The following RARB variants were observed in gnomAD, a reference collection of about 807,000 sequenced individuals.
The protein encoded by RARB is retinoic acid receptor beta, also known as HBV-activated protein.
A neutral mutation model predicts 51.9 loss-of-function variants in RARB; 17 were observed. The ratio of observed to expected loss-of-function variants is 0.33; its 90% CI spans 0.22 to 0.49. RARB has a LOEUF of 0.49. Among genes scored for constraint, RARB ranks in the 20% least tolerant of loss-of-function variants. The pLI, the probability that RARB is intolerant of heterozygous loss-of-function variation, is 0.99. For synonymous variants in RARB, 215 were observed against 195.4 expected (o/e 1.10, Z -0.84); for missense variants, 369 against 550.8 (o/e 0.67, Z 3.30).
At chr3:25,180,253 T>G (rs1242047152) in intron 5 of RARB, among the ~76,000 whole-genome samples, 1 of 152,176 alleles carries the variant, frequency 6.6e-6, no homozygotes, top group Non-Finnish European at 1.5e-5. Flanking sequence ...GGAGAAAAGA[T>G]GGAGTAATGG....
At chr3:25,434,529 C>CTT (rs140015265) in intron 1 of RARB, among the ~76,000 whole-genome samples, 5 of 123,034 alleles carry the variant, frequency 4.1e-5, no homozygotes, top group Admixed American at 9.0e-5. Flanking sequence ...CTTGGTACTC[C>CTT]TTTTTTTTTT....
At chr3:25,174,621 T>G in intron 5 of RARB, 1 of 1,335,362 alleles carries the variant, frequency 7.5e-7, no homozygotes, top group South Asian at 1.1e-5. Flanking sequence ...GTTGATTGGA[T>G]GAAGGGACCT....
intron 2 of RARB, among the ~76,000 whole-genome samples, chr3:24,942,645 C>G (rs931300318): frequency 2.0e-5 from 3 of 152,162 alleles, no homozygotes; most frequent in Admixed American, 1.3e-4. Flanking sequence ...TCTTTGTAGT[C>G]AAGTTCATTT....
At chr3:25,455,704 G>T (rs1694873958) in intron 1 of RARB, among the ~76,000 whole-genome samples, 1 of 152,186 alleles carries the variant, frequency 6.6e-6, no homozygotes, top group Non-Finnish European at 1.5e-5. Flanking sequence ...GGGACCCACA[G>T]AGCCAAGCAT....
intron 1 of RARB, among the ~76,000 whole-genome samples, chr3:24,857,226 T>A: frequency 6.6e-6 from 1 of 152,204 alleles, no homozygotes; most frequent in East Asian, 1.9e-4. Context: ...CATTTATACT[T>A]CACACCTCTC....
chr3:25,000,462 T>C (rs1402267808), intron 2 of RARB, among the ~76,000 whole-genome samples: 1 of 152,144 alleles, frequency 6.6e-6, no homozygotes, highest in African/African-American at 2.4e-5. Flanking sequence ...TGCATTTTCT[T>C]TTATCTTATT....
intron 3 of RARB, among the ~76,000 whole-genome samples, chr3:25,519,645 C>T (rs575196624): frequency 6.6e-6 from 1 of 152,082 alleles, no homozygotes; most frequent in South Asian, 2.1e-4. Context: ...CCCAAAATGT[C>T]AAAAGTTATT....
intron 2 of RARB, among the ~76,000 whole-genome samples, chr3:24,975,309 TG>T (rs1362719415): frequency 2.6e-5 from 4 of 152,162 alleles, no homozygotes; most frequent in African/African-American, 9.6e-5. Context: ...TTAACACTAC[TG>T]TTTTTTTGGT....
At chr3:25,259,027 G>C in intron 5 of RARB, 1 of 985,274 alleles carries the variant, frequency 1.0e-6, no homozygotes, top group Non-Finnish European at 1.2e-6. Flanking sequence ...GACTGCTTCT[G>C]ATATTAGTAG....
intron 2 of RARB, among the ~76,000 whole-genome samples, chr3:24,895,432 G>A (rs765776606): frequency 6.6e-6 from 1 of 152,194 alleles, no homozygotes; most frequent in Non-Finnish European, 1.5e-5. Context: ...GCTTCAGAAG[G>A]ACTGGGATGA....
chr3:25,164,270 A>T (rs1352496097), intron 4 of RARB, among the ~76,000 whole-genome samples: 2 of 152,226 alleles, frequency 1.3e-5, no homozygotes, highest in African/African-American at 4.8e-5. Flanking sequence ...TATCACCCAT[A>T]GCCCACTGGA....
intron 1 of RARB, among the ~76,000 whole-genome samples, chr3:24,836,686 T>C (rs1260642531): frequency 2.0e-5 from 3 of 152,026 alleles, no homozygotes; most frequent in African/African-American, 7.2e-5. Flanking sequence ...AATAAATGAA[T>C]GAGTAAATGA....
At chr3:24,923,069 A>G (rs955433644) in intron 2 of RARB, among the ~76,000 whole-genome samples, 1 of 152,150 alleles carries the variant, frequency 6.6e-6, no homozygotes, top group African/African-American at 2.4e-5. Flanking sequence ...AAGACACACA[A>G]ACAATAGAAA....
intron 5 of RARB, among the ~76,000 whole-genome samples, chr3:25,241,963 T>A (rs1165095975): frequency 6.6e-6 from 1 of 152,196 alleles, no homozygotes; most frequent in East Asian, 1.9e-4. Flanking sequence ...CCACATCCTC[T>A]CCAGCATCTG....
chr3:25,328,978 G>T (rs1018472008), intron 5 of RARB, among the ~76,000 whole-genome samples: 3 of 152,154 alleles, frequency 2.0e-5, no homozygotes, highest in Non-Finnish European at 2.9e-5. Context: ...GCTAGGGGAG[G>T]GGCGTCCACC....
intron 3 of RARB, among the ~76,000 whole-genome samples, chr3:25,562,410 C>G (rs371614228): frequency 6.6e-6 from 1 of 152,064 alleles, no homozygotes; most frequent in African/African-American, 2.4e-5. Flanking sequence ...AGCTCTTATT[C>G]ATATTGGGTA....
chr3:24,832,806 T>C, intron 1 of RARB, among the ~76,000 whole-genome samples: 1 of 151,954 alleles, frequency 6.6e-6, no homozygotes, highest in Non-Finnish European at 1.5e-5. Flanking sequence ...TACGAGAACC[T>C]GATCCAGTTA....
At chr3:24,980,584 A>G (rs1696637631) in intron 2 of RARB, among the ~76,000 whole-genome samples, 1 of 152,096 alleles carries the variant, frequency 6.6e-6, no homozygotes, top group Non-Finnish European at 1.5e-5. Context: ...TATGCTTCAC[A>G]CAGTTCTCAT....
At chr3:24,888,908 C>G (rs954593823) in intron 2 of RARB, among the ~76,000 whole-genome samples, 14 of 152,198 alleles carry the variant, frequency 9.2e-5, no homozygotes, top group African/African-American at 3.4e-4. Context: ...AGCAAGTTCA[C>G]TTTACTTTAT....
Sources: gnomAD v4.1 joint callset for allele counts (sites outside exome capture counted in the v4.1 genomes callset) on GRCh38, gnomAD v4.1.1 for gene constraint, MANE v1.5 for transcripts, NCBI Gene and HGNC (gene_info 2026-07-23, HGNC 2026-07-21) for gene names.